The following ANKS6 variants were observed in gnomAD, a reference collection of about 807,000 sequenced individuals.
The protein encoded by ANKS6 is ankyrin repeat and sterile alpha motif domain containing 6.
Under a neutral mutation model 77.9 loss-of-function variants are expected in ANKS6, and 47 were observed. The ratio of observed to expected loss-of-function variants is 0.60; its 90% CI spans 0.48 to 0.77. ANKS6 has a LOEUF of 0.77. ANKS6 is among the 30% of genes least tolerant of loss of function. ANKS6 has a pLI of 0.00. For missense variants in ANKS6, 1,150 were observed against 1,159.1 expected (o/e 0.99, Z 0.11); for synonymous variants, 488 against 501.7 (o/e 0.97, Z 0.37).
intron 13 of ANKS6, among the ~76,000 whole-genome samples, chr9:98,747,213 T>C (rs1262337305): frequency 1.3e-5 from 2 of 152,250 alleles, no homozygotes. Context: ...AAATCCTTAG[T>C]CTTTCACTTT....
Position 98,756,411 on chromosome 9 carries a change from G to A in ANKS6, c.2326+9C>T, listed in dbSNP as rs570339028. ...AATAGGTGGGGTTTCAGGCCCTCAG[G>A]GGACTCACCCTCATCTGTGATGGTG... On this transcript the variant is annotated intron_variant, in intron 12 of 14. Transcript: ENST00000353234. The A allele has an allele frequency of 6.2e-7, 1 of 1,610,856 alleles. No homozygotes were observed. The highest frequency in any genetic ancestry group is 1.1e-5 in the South Asian group (1 of 90,690).
chr9:98,764,139 T>C (rs1319192075), intron 11 of ANKS6, among the ~76,000 whole-genome samples: 2 of 152,248 alleles, frequency 1.3e-5, no homozygotes, highest in African/African-American at 2.4e-5. Context: ...AACGTGACAG[T>C]TTTTTCTTTC....
chr9:98,751,041 A>G lies in ANKS6; in HGVS notation c.2382T>C (p.Phe794=). The part of the protein sequence containing the change: ...KLSLEKYQPI[F]EEQEVDMEAF... ...AGAGCATTCTTACCTCTTGTTCCTC[A>G]AAAATGGGCTGATATTTCTCAAGTG... Residue 794 remains phenylalanine (F), a synonymous_variant, in exon 13 of 15, where the codon TTT becomes TTC. Coordinates refer to ENST00000353234, the MANE Select transcript of ANKS6 (RefSeq NM_173551.5). The G allele has an allele frequency of 1.2e-6, 2 of 1,609,728 alleles. No homozygotes were observed. Among genetic ancestry groups the G allele is most frequent in the Non-Finnish European group, 1.7e-6 (2 of 1,178,226 alleles).
intron 2 of ANKS6, among the ~76,000 whole-genome samples, chr9:98,789,141 A>T (rs1158547725): frequency 1.3e-5 from 2 of 151,398 alleles, no homozygotes; most frequent in African/African-American, 4.9e-5. Flanking sequence ...TAACAAACTT[A>T]ACACTTTCAG....
At chr9:98,779,597 C>T (rs897508118) in intron 6 of ANKS6, among the ~76,000 whole-genome samples, 3 of 151,690 alleles carry the variant, frequency 2.0e-5, no homozygotes, top group African/African-American at 7.3e-5. Context: ...AGTTCTTGTT[C>T]TGTCGCCCAG....
Position 98,782,541 on chromosome 9 carries a change from T to G in ANKS6, c.1145A>C (p.Gln382Pro). The G allele has an allele frequency of 6.2e-7, 1 of 1,614,172 alleles. No individual in the cohort carries two copies. The highest frequency in any genetic ancestry group is 1.3e-5 in the African/African-American group (1 of 75,032). ...TGCACGAAGAGTGACATCGGCCCCT[T>G]GGTTTAGCAGATATTTCACAATTTC... The part of the protein sequence containing the change: ...NKEIVKYLLN[Q>P]GADVTLRAKN... The change falls in exon 5 of 15, where the codon CAA becomes CCA. Residue 382 changes from glutamine to proline, a missense_variant. Coordinates refer to ENST00000353234, the MANE Select transcript of ANKS6 (RefSeq NM_173551.5).
Position 98,732,120 on chromosome 9 carries a change from A to C in ANKS6, c.*4399T>G, listed in dbSNP as rs1393742408. 1.2e-5 allele frequency: 3 copies of C among 246,678 alleles called. No individual in the cohort carries two copies. The highest frequency in any genetic ancestry group is 2.2e-5 in the African/African-American group (1 of 44,950). The allele number at this position is 246,678 out of a possible 1,614,324, so 15.3% of individuals were successfully genotyped here. ...ATTAACTTGCTAGGAATGGACAAGGACAGCGACAGGATGGTGCTTCACAGT... is the reference window on the plus strand; with the variant it reads ...ATTAACTTGCTAGGAATGGACAAGGCCAGCGACAGGATGGTGCTTCACAGT... On this transcript the variant is annotated 3_prime_UTR_variant, in exon 15 of 15. Transcript: ENST00000353234.
rs181574519 is a variant in ANKS6, at chr9:98,760,976, G to A, written c.2143-4373C>T. Among the ~76,000 whole-genome samples the A allele has an allele frequency of 5.3e-4, 80 of 152,280 alleles. No individual in the cohort carries two copies. The East Asian group carries it at 0.014, about 28-fold the overall frequency. On this transcript the variant is annotated intron_variant, in intron 11 of 14. Transcript: ENST00000353234. ...ATAAGAAACTGCCTATCTTTTTCAA[G>A]GTGGCTGTACCATTTTGCATTCCTA...
chr9:98,755,782 T>C (rs529641544), intron 12 of ANKS6, among the ~76,000 whole-genome samples: 1 of 152,152 alleles, frequency 6.6e-6, no homozygotes, highest in Non-Finnish European at 1.5e-5. Context: ...ACAGAGATAG[T>C]CAAGGGAGGG....
chr9:98,761,228 T>C (rs1233800944), intron 11 of ANKS6, among the ~76,000 whole-genome samples: 3 of 152,354 alleles, frequency 2.0e-5, no homozygotes, highest in East Asian at 3.9e-4. Context: ...TACATTTATG[T>C]TTTATTATTG....
chr9:98,777,704 T>G (rs1176041509), intron 7 of ANKS6, among the ~76,000 whole-genome samples: 18 of 152,220 alleles, frequency 1.2e-4, no homozygotes, highest in Admixed American at 1.2e-3. Context: ...ATAGTCTGTC[T>G]CAGACAGTGG....
chr9:98,779,797 G>A (rs1353747304), intron 6 of ANKS6, among the ~76,000 whole-genome samples: 4 of 152,040 alleles, frequency 2.6e-5, no homozygotes, highest in African/African-American at 9.7e-5. Flanking sequence ...CCGTGTAGCT[G>A]GGACTACAGG....
intron 13 of ANKS6, among the ~76,000 whole-genome samples, chr9:98,749,825 C>T (rs1832333525): frequency 6.6e-6 from 1 of 152,148 alleles, no homozygotes; most frequent in Non-Finnish European, 1.5e-5. Context: ...AATACGAGCT[C>T]CTCAACTGCA....
At chr9:98,780,584 A>G (rs1034102322) in intron 5 of ANKS6, among the ~76,000 whole-genome samples, 2 of 152,222 alleles carry the variant, frequency 1.3e-5, no homozygotes, top group Admixed American at 6.5e-5. Context: ...GCAGGGGGAC[A>G]GTGTGTTTAA....
intron 14 of ANKS6, among the ~76,000 whole-genome samples, chr9:98,740,583 T>C (rs993515318): frequency 3.3e-5 from 5 of 152,168 alleles, no homozygotes; most frequent in African/African-American, 7.2e-5. Context: ...AATTTTATTA[T>C]TAAACACCAT....
intron 12 of ANKS6, among the ~76,000 whole-genome samples, chr9:98,754,004 G>A (rs964891860): frequency 2.6e-5 from 4 of 152,096 alleles, no homozygotes; most frequent in African/African-American, 9.7e-5. Flanking sequence ...TCCCAGTGTC[G>A]TGGTCCAGCT....
At chr9:98,763,207 A>G (rs72735324) in intron 11 of ANKS6, among the ~76,000 whole-genome samples, 35,789 of 131,320 alleles carry the variant, frequency 0.27, 4,434 homozygotes, top group East Asian at 0.37. Context: ...TTTCTTTCCA[A>G]TTGCCTATGA....
At position 98,756,430 on chromosome 9, in the gene ANKS6, G is replaced by A. The variant is rs1832708009; in HGVS notation, c.2316C>T (p.Ile772=). The change falls in exon 12 of 15, where the codon ATC becomes ATT. Residue 772 remains isoleucine, a synonymous_variant. Transcript: ENST00000353234. ...KSSGGSSSGT[I]TDEDELTGIL... is the part of the protein sequence containing the mutation. ...CCTCAGGGGACTCACCCTCATCTGT[G>A]ATGGTGCCACTGCTGGAGCCCCCAC... 1 of 1,613,274 alleles carries A rather than the reference G, an allele frequency of 6.2e-7. No homozygotes were observed. The highest frequency in any genetic ancestry group is 8.5e-7 in the Non-Finnish European group (1 of 1,179,552).
At chr9:98,738,326 AATCT>A in intron 14 of ANKS6, among the ~76,000 whole-genome samples, 1 of 152,268 alleles carries the variant, frequency 6.6e-6, no homozygotes, top group East Asian at 1.9e-4. Context: ...AAATCTTCAC[AATCT>A]ATACATCTGA....
Sources: allele counts gnomAD v4.1 joint callset (sites outside exome capture counted in the v4.1 genomes callset), GRCh38; gene constraint gnomAD v4.1.1; transcripts MANE v1.5; gene names NCBI Gene and HGNC (gene_info 2026-07-23, HGNC 2026-07-21).